TEF: variants seen among roughly 807,000 people sequenced by gnomAD.
TEF encodes the protein TEF transcription factor, PAR bZIP family member, also known as thyrotroph embryonic factor.
Under a neutral mutation model 20.8 loss-of-function variants are expected in TEF, and 3 were observed. That is an observed-to-expected ratio of 0.14 (90% CI 0.07 to 0.37). TEF has a LOEUF of 0.37. Among genes scored for constraint, TEF ranks in the 10% least tolerant of loss-of-function variants. The pLI is 1.00. For synonymous variants in TEF, 180 were observed against 171.1 expected (o/e 1.05, Z -0.41); for missense variants, 296 against 397.9 (o/e 0.74, Z 2.18).
chr22:41,385,549 A>G (rs764064499), intron 1 of TEF, among the ~76,000 whole-genome samples: 1 of 152,160 alleles, frequency 6.6e-6, no homozygotes, highest in Non-Finnish European at 1.5e-5. Flanking sequence ...AGGGAACAGG[A>G]CAGGGGAACA....
In TEF at chr22:41,396,059, G is replaced by T. The variant is rs532595733; in HGVS notation, c.*99G>T. 4.4e-5 allele frequency: 58 copies of T among 1,329,756 alleles called. No homozygotes were observed. In the East Asian group the frequency reaches 1.4e-3, roughly 32 times the overall value. The allele number at this position is 1,329,756 out of a possible 1,614,324, so 82.4% of individuals were successfully genotyped here. On this transcript the variant is annotated 3_prime_UTR_variant, in exon 4 of 4. Coordinates refer to ENST00000266304, the MANE Select transcript of TEF (RefSeq NM_003216.4). The stretch of plus-strand genomic sequence containing the variant: ...CACGCGTGGAGACTTATGACTCGTC[G>T]TGGGCGCATGGCGGCGCACCTGCTG...
chr22:41,381,515 G>C (rs893705113), upstream of TEF, among the ~76,000 whole-genome samples: 2 of 152,216 alleles, frequency 1.3e-5, no homozygotes, highest in African/African-American at 4.8e-5. Flanking sequence ...TGGCCGCTCC[G>C]AGCTCCGCCC....
At chr22:41,379,543 T>C (rs1307487096), upstream of TEF, among the ~76,000 whole-genome samples, 5 of 146,396 alleles carry the variant, frequency 3.4e-5, no homozygotes, top group Non-Finnish European at 6.0e-5. Flanking sequence ...CACCATAAGG[T>C]AGAGCCTGCC....
chr22:41,370,412 ATTTT>A (rs35657809), intron 1 of TEF, among the ~76,000 whole-genome samples: 9 of 108,594 alleles, frequency 8.3e-5, no homozygotes, highest in South Asian at 3.3e-4. Context: ...TGCGCCTGGC[ATTTT>A]TTTTTTTTTT....
In TEF at chr22:41,387,537, C is replaced by G. The variant is rs756568373; in HGVS notation, c.344C>G (p.Thr115Ser). The G allele has an allele frequency of 4.3e-6, 7 of 1,614,206 alleles. No homozygotes were observed. The highest frequency in any genetic ancestry group is 5.9e-6 in the Non-Finnish European group (7 of 1,180,034). Residue 115 changes from threonine to serine, a missense_variant, in exon 2 of 4, where the codon ACC becomes AGC. Around this residue, in one of 2 missense-constraint regions of TEF, gnomAD observed 194 missense variants for 317.8 expected, o/e 0.61. Transcript: ENST00000266304. ...LLENGIPASP[T>S]HLAHNLLLPV... ...GAGAATGGCATCCCCGCCAGCCCCACCCACCTGGCCCACAACCTGCTGCTG... is the reference window on the plus strand; with the variant it reads ...GAGAATGGCATCCCCGCCAGCCCCAGCCACCTGGCCCACAACCTGCTGCTG...
At chr22:41,379,254 C>T (rs963425685), upstream of TEF, among the ~76,000 whole-genome samples, 5 of 152,230 alleles carry the variant, frequency 3.3e-5, no homozygotes, top group African/African-American at 7.2e-5. Flanking sequence ...AGGAGAATGG[C>T]GGGAAGCCGG....
chr22:41,394,578 G>T (rs1274865798), intron 3 of TEF, among the ~76,000 whole-genome samples: 1 of 152,188 alleles, frequency 6.6e-6, no homozygotes, highest in African/African-American at 2.4e-5. Context: ...CTGCCTCCCT[G>T]GCTGTAGCCC....
In TEF at chr22:41,396,387, G is replaced by C. The variant is rs953791026; in HGVS notation, c.*427G>C. On this transcript the variant is annotated 3_prime_UTR_variant, in exon 4 of 4. Transcript: ENST00000266304. Reference sequence around the variant, plus strand: ...CCTATGTCTTCTCAGGTAGCAGGGCGCGTTTCCACTTAAGGTGTGTCTGTC... The same window carrying C: ...CCTATGTCTTCTCAGGTAGCAGGGCCCGTTTCCACTTAAGGTGTGTCTGTC... 5.7e-6 allele frequency: 1 copy of C among 175,756 alleles called. No homozygotes were observed. Among genetic ancestry groups the C allele is most frequent in the Non-Finnish European group, 1.2e-5 (1 of 82,242 alleles). The allele number at this position is 175,756 out of a possible 1,614,324, so 10.9% of individuals were successfully genotyped here.
At chr22:41,378,554 C>T (rs1007148172), upstream of TEF, among the ~76,000 whole-genome samples, 19 of 152,178 alleles carry the variant, frequency 1.2e-4, no homozygotes, top group African/African-American at 4.1e-4. Flanking sequence ...CACTGTCAGC[C>T]AGTATGGTCT....
At chr22:41,379,701 C>T (rs562740357), upstream of TEF, among the ~76,000 whole-genome samples, 111 of 151,860 alleles carry the variant, frequency 7.3e-4, no homozygotes, top group African/African-American at 2.4e-3. Flanking sequence ...CCCGTCTCTA[C>T]CAAAAATACA....
intron 1 of TEF, chr22:41,369,278 G>A (rs1490918230): frequency 1.0e-6 from 1 of 983,204 alleles, no homozygotes; most frequent in Non-Finnish European, 1.2e-6. Context: ...CTGTGGATGA[G>A]CAAAGTCAGG....
At chr22:41,385,680 G>A (rs1166524721) in intron 1 of TEF, among the ~76,000 whole-genome samples, 1 of 152,000 alleles carries the variant, frequency 6.6e-6, no homozygotes, top group Admixed American at 6.6e-5. Context: ...AGCCTATTCT[G>A]TTTTTGTTTT....
At chr22:41,369,862 C>G (rs901175566) in intron 1 of TEF, 1 of 981,682 alleles carries the variant, frequency 1.0e-6, no homozygotes, top group African/African-American at 1.7e-5. Flanking sequence ...GGTGGACTTC[C>G]TGCTGCTCCC....
chr22:41,394,885 G>T (rs574859943), intron 3 of TEF, among the ~76,000 whole-genome samples: 1 of 152,176 alleles, frequency 6.6e-6, no homozygotes, highest in Non-Finnish European at 1.5e-5. Context: ...TCTGTAAAAC[G>T]GGAGCAACTG....
chr22:41,394,543 C>T (rs1025844034), intron 3 of TEF, among the ~76,000 whole-genome samples: 28 of 152,310 alleles, frequency 1.8e-4, no homozygotes, highest in Admixed American at 7.2e-4. Context: ...TCTCCTTCCC[C>T]GGGCCATCGG....
rs775538354 is a variant in TEF at position 41,394,181 on chromosome 22, C to T, written c.561C>T (p.Pro187=). The T allele has an allele frequency of 8.1e-6, 13 of 1,614,026 alleles. No homozygotes were observed. Among genetic ancestry groups the T allele is most frequent in the African/African-American group, 6.7e-5 (5 of 74,908 alleles). Residue 187 remains proline (P), a synonymous_variant, in exon 3 of 4, where the codon CCC becomes CCT. Coordinates refer to ENST00000266304, the MANE Select transcript of TEF (RefSeq NM_003216.4). ...VEVDVNFNPD[P]ADLVLSSVPG... is the part of the protein sequence containing the mutation. The stretch of plus-strand genomic sequence containing the variant: ...TGGATGTGAACTTCAATCCGGACCC[C>T]GCCGACCTGGTGCTCTCCAGTGTGC...
At chr22:41,384,711 A>G (rs927711804) in intron 1 of TEF, among the ~76,000 whole-genome samples, 4 of 152,328 alleles carry the variant, frequency 2.6e-5, no homozygotes, top group Non-Finnish European at 4.4e-5. Flanking sequence ...GTGAGCCCAC[A>G]GTAACAATGA....
At chr22:41,393,289 C>T (rs1456202520) in intron 2 of TEF, among the ~76,000 whole-genome samples, 2 of 150,334 alleles carry the variant, frequency 1.3e-5, no homozygotes, top group African/African-American at 4.9e-5. Flanking sequence ...TGCAGTGAGC[C>T]ATGATCATAC....
intron 1 of TEF, chr22:41,382,948 G>A (rs1431725502): frequency 2.1e-6 from 1 of 471,094 alleles, no homozygotes; most frequent in Middle Eastern, 3.2e-4. Context: ...TCATCTTTTT[G>A]CCTAGGCCAG....
Sources: gnomAD v4.1 joint callset for allele counts (sites outside exome capture counted in the v4.1 genomes callset) on GRCh38, gnomAD v4.1.1 for gene constraint, gnomAD v4.1.1 regional missense constraint, MANE v1.5 for transcripts, NCBI Gene and HGNC (gene_info 2026-07-23, HGNC 2026-07-21) for gene names.